The following PLA2G2A variants were observed in gnomAD, a reference collection of about 807,000 sequenced individuals.
The protein encoded by PLA2G2A is phospholipase A2 group IIA.
PLA2G2A carries 6 observed loss-of-function variants against 11.2 expected under a neutral mutation model. That is an observed-to-expected ratio of 0.54 (90% CI 0.29 to 1.06). PLA2G2A has a LOEUF of 1.06. PLA2G2A is among the 50% of genes least tolerant of loss of function. PLA2G2A has a pLI of 0.08. For synonymous variants in PLA2G2A, 69 were observed against 65.8 expected (o/e 1.05, Z -0.23); for missense variants, 133 against 177.1 (o/e 0.75, Z 1.41).
At chr1:19,978,320 C>T in intron 3 of PLA2G2A, 60 bp downstream of exon 3, 1 of 1,585,492 alleles carries the variant, frequency 6.3e-7, no homozygotes, top group African/African-American at 1.3e-5. Context: ...ACTGTCTTTG[C>T]AGCTCCCAGC....
At chr1:19,978,973 G>GCA (rs3061293) in intron 1 of PLA2G2A, 94 bp from the exon 2 acceptor site, 14,890 of 572,720 alleles carry the variant, frequency 0.026, 237 homozygotes, top group African/African-American at 0.095. Flanking sequence ...CTCCAGCAAT[G>GCA]CACACACACA....
intron 4 of PLA2G2A, among the ~76,000 whole-genome samples, chr1:19,977,130 C>T (rs1409049308): frequency 6.6e-6 from 1 of 152,320 alleles, no homozygotes; most frequent in Non-Finnish European, 1.5e-5. Context: ...CCCTGAGCTG[C>T]ATTTGTATAG....
intron 4 of PLA2G2A, among the ~76,000 whole-genome samples, chr1:19,977,071 C>G (rs2046230097): frequency 6.6e-6 from 1 of 152,212 alleles, no homozygotes; most frequent in Admixed American, 6.5e-5. Flanking sequence ...ACCCACCTCT[C>G]AGGTCTCTGC....
At chr1:19,978,973 GCACACA>G (rs3061293) in intron 1 of PLA2G2A, 94 bp from the exon 2 acceptor site, 82,871 of 567,386 alleles carry the variant, frequency 0.15, 2,785 homozygotes, top group Non-Finnish European at 0.16. Context: ...CTCCAGCAAT[GCACACA>G]CACACACACA....
upstream of PLA2G2A, among the ~76,000 whole-genome samples, chr1:19,980,064 C>T (rs1297151449): frequency 6.6e-6 from 1 of 152,182 alleles, no homozygotes; most frequent in Admixed American, 6.5e-5. Context: ...TTTAGTGGTA[C>T]TCATTCATTC....
At chr1:19,978,711 C>G in intron 2 of PLA2G2A, 23 bp downstream of exon 2, 1 of 1,613,696 alleles carries the variant, frequency 6.2e-7, no homozygotes, top group Non-Finnish European at 8.5e-7. Context: ...CCCCCATGCT[C>G]AGAGGTCAGG....
chr1:19,976,745 A>C (rs2046224783), intron 4 of PLA2G2A, among the ~76,000 whole-genome samples: 1 of 151,950 alleles, frequency 6.6e-6, no homozygotes, highest in African/African-American at 2.4e-5. Context: ...CCTCCCCTTC[A>C]GGGCCAAACT....
intron 2 of PLA2G2A, 45 bp downstream of exon 2, chr1:19,978,686 CCTT>C (rs2046260245): frequency 6.2e-7 from 1 of 1,608,446 alleles, no homozygotes; most frequent in African/African-American, 1.3e-5. Context: ...AGAGTGCTTC[CCTT>C]CTGGGGCTGT....
chr1:19,979,133 T>G (rs925984748), intron 1 of PLA2G2A: 1 of 317,302 alleles, frequency 3.2e-6, no homozygotes, highest in Non-Finnish European at 6.0e-6. Context: ...TCTTGGGAGG[T>G]TGGAACCAGG....
exon 3 of PLA2G2A, chr1:19,978,446 C>T (rs2046255477): frequency 1.2e-6 from 2 of 1,613,832 alleles, no homozygotes; most frequent in African/African-American, 1.3e-5. Flanking sequence ...GAAGCCATAA[C>T]TGAGTGCGGC....
At chr1:19,978,973 GCACACACACACACA>G (rs3061293) in intron 1 of PLA2G2A, 94 bp from the exon 2 acceptor site, 9 of 573,156 alleles carry the variant, frequency 1.6e-5, no homozygotes, top group Non-Finnish European at 2.5e-5. Flanking sequence ...CTCCAGCAAT[GCACACACACACACA>G]CACACACACA....
chr1:19,977,913 A>G (rs1253545536), intron 4 of PLA2G2A, 102 bp downstream of exon 4: 3 of 797,720 alleles, frequency 3.8e-6, no homozygotes, highest in Non-Finnish European at 6.8e-6. Flanking sequence ...AGCTTCCTGA[A>G]GCAGGAACTG....
Position 19,978,722 on chromosome 1 carries a change from G to T in PLA2G2A, c.40+12C>A. ...TGTCCCCCCATGCTCAGAGGTCAGG[G>T]TCAGCTCTTACCAAAGATCATGATC... is the stretch of plus-strand genomic sequence containing the variant. On this transcript the variant is annotated intron_variant, in intron 2 of 4. Coordinates refer to ENST00000482011, the Ensembl canonical transcript of PLA2G2A. 6.2e-7 allele frequency: 1 copy of T among 1,613,994 alleles called. No homozygotes were observed. The highest frequency in any genetic ancestry group is 8.5e-7 in the Non-Finnish European group (1 of 1,179,884).
At chr1:19,979,029 G>A in intron 1 of PLA2G2A, 150 bp from the exon 2 acceptor site, 1 of 575,568 alleles carries the variant, frequency 1.7e-6, no homozygotes, top group Non-Finnish European at 3.1e-6. Flanking sequence ...TCCCAGCTCT[G>A]CAGAATGGTT....
At chr1:19,978,664 A>C (rs1259130676) in intron 2 of PLA2G2A, 70 bp downstream of exon 2, 1 of 1,600,140 alleles carries the variant, frequency 6.2e-7, no homozygotes, top group Non-Finnish European at 8.6e-7. Context: ...TGGGAGAGAA[A>C]ACTAAGGGAC....
chr1:19,980,114 C>G (rs1188581141), upstream of PLA2G2A, among the ~76,000 whole-genome samples: 1 of 152,166 alleles, frequency 6.6e-6, no homozygotes, highest in Admixed American at 6.5e-5. Context: ...ATGTCCTGGG[C>G]CTCTACCATG....
At chr1:19,976,365 C>A (rs1267870359) in intron 4 of PLA2G2A, among the ~76,000 whole-genome samples, 3 of 152,204 alleles carry the variant, frequency 2.0e-5, no homozygotes, top group Non-Finnish European at 2.9e-5. Flanking sequence ...GGTGGACCTG[C>A]AGCCTGTCTC....
At chr1:19,975,893 T>C (rs1470895896) in intron 4 of PLA2G2A, 50 bp from the exon 5 acceptor site, 1 of 1,537,084 alleles carries the variant, frequency 6.5e-7, no homozygotes, top group Admixed American at 1.7e-5. Flanking sequence ...TAATATTCAG[T>C]GGCTTCTTGT....
exon 3 of PLA2G2A, chr1:19,978,464 C>T: frequency 2.5e-6 from 4 of 1,613,968 alleles, no homozygotes; most frequent in Non-Finnish European, 3.4e-6. Context: ...GGCTTCCTTT[C>T]CTGTCGTCAA....
Sources: allele counts gnomAD v4.1 joint callset (sites outside exome capture counted in the v4.1 genomes callset), GRCh38; gene constraint gnomAD v4.1.1; transcripts MANE v1.5; gene names NCBI Gene and HGNC (gene_info 2026-07-23, HGNC 2026-07-21).